PHACTR1: variants seen among roughly 807,000 people sequenced by gnomAD.
The protein encoded by PHACTR1 is RPEL repeat containing 1.
Under a neutral mutation model 69.2 loss-of-function variants are expected in PHACTR1, and 16 were observed. The observed-to-expected ratio is 0.23, with a 90% CI of 0.16 to 0.35. PHACTR1 has a LOEUF of 0.35. Among genes scored for constraint, PHACTR1 ranks in the 10% least tolerant of loss-of-function variants. The pLI is 1.00. For synonymous variants in PHACTR1, 312 were observed against 284.5 expected (o/e 1.10, Z -0.97); for missense variants, 510 against 734.7 (o/e 0.69, Z 3.54).
chr6:12,774,961 A>G (rs569221580), intron 4 of PHACTR1, among the ~76,000 whole-genome samples: 3 of 152,334 alleles, frequency 2.0e-5, no homozygotes, highest in African/African-American at 7.2e-5. Flanking sequence ...GAACTGAGGG[A>G]CCAGAAACAT....
chr6:12,721,981 A>G (rs1319296072), intron 3 of PHACTR1, among the ~76,000 whole-genome samples: 1 of 152,204 alleles, frequency 6.6e-6, no homozygotes, highest in Non-Finnish European at 1.5e-5. Flanking sequence ...TGAGAAACAC[A>G]TTTGAGACAA....
chr6:13,062,664 C>T (rs974253172), intron 5 of PHACTR1, among the ~76,000 whole-genome samples: 3 of 152,200 alleles, frequency 2.0e-5, no homozygotes, highest in African/African-American at 7.2e-5. Context: ...CCCCAGATTT[C>T]TCATTCCTCT....
At chr6:12,963,471 C>A (rs1389520718) in intron 4 of PHACTR1, among the ~76,000 whole-genome samples, 1 of 150,580 alleles carries the variant, frequency 6.6e-6, no homozygotes, top group East Asian at 1.9e-4. Flanking sequence ...AAAAAACAAA[C>A]CAACTGACGA....
chr6:13,103,016 C>T (rs903652355), intron 5 of PHACTR1, among the ~76,000 whole-genome samples: 3 of 152,168 alleles, frequency 2.0e-5, no homozygotes, highest in African/African-American at 7.2e-5. Context: ...CTTTCTGGAA[C>T]TTAAGAGGCT....
chr6:12,722,373 C>T (rs1197921674), intron 3 of PHACTR1, among the ~76,000 whole-genome samples: 1 of 152,168 alleles, frequency 6.6e-6, no homozygotes, highest in African/African-American at 2.4e-5. Context: ...TCATAAAGTT[C>T]CAGGAAGATA....
chr6:12,752,822 A>T (rs1410405275), intron 4 of PHACTR1, among the ~76,000 whole-genome samples: 1 of 152,238 alleles, frequency 6.6e-6, no homozygotes, highest in African/African-American at 2.4e-5. Flanking sequence ...AATAGCACCA[A>T]AATGTGGGTC....
chr6:13,036,186 T>C (rs902337026), intron 4 of PHACTR1, among the ~76,000 whole-genome samples: 1 of 151,952 alleles, frequency 6.6e-6, no homozygotes, highest in Non-Finnish European at 1.5e-5. Flanking sequence ...CTTAAAATTG[T>C]CTATAACTTT....
At chr6:13,005,059 C>T (rs900540949) in intron 4 of PHACTR1, among the ~76,000 whole-genome samples, 18 of 151,840 alleles carry the variant, frequency 1.2e-4, no homozygotes, top group Non-Finnish European at 2.4e-4. Flanking sequence ...AGCAGTTTCT[C>T]AGATACACCA....
intron 4 of PHACTR1, among the ~76,000 whole-genome samples, chr6:12,976,731 G>A (rs926180141): frequency 2.6e-5 from 4 of 152,226 alleles, no homozygotes; most frequent in Middle Eastern, 3.4e-3. Flanking sequence ...TTTATCTGGT[G>A]TCTCTCCTGA....
At position 12,844,495 on chromosome 6, in the gene PHACTR1, G is replaced by A. The variant is rs371898718; in HGVS notation, c.250+94705G>A. On this transcript the variant is annotated intron_variant, in intron 4 of 14. Coordinates refer to ENST00000332995, the MANE Select transcript of PHACTR1 (RefSeq NM_030948.6). ...GAGAAAATATAGGTTAAGGCACCCA[G>A]GTCGTGATGCCTTTTATGATGTACT... 7.2e-5 allele frequency among the ~76,000 whole-genome samples: 11 copies of A among 152,222 alleles called. No individual in the cohort carries two copies. The East Asian group carries it at 2.1e-3, about 29-fold the overall frequency.
chr6:13,217,158 A>G (rs1008039507), intron 8 of PHACTR1, among the ~76,000 whole-genome samples: 4 of 152,222 alleles, frequency 2.6e-5, no homozygotes, highest in Non-Finnish European at 4.4e-5. Flanking sequence ...TGGTGTTGAC[A>G]TGTACTCCTA....
intron 4 of PHACTR1, among the ~76,000 whole-genome samples, chr6:12,976,635 C>A (rs914136462): frequency 6.6e-6 from 1 of 152,112 alleles, no homozygotes; most frequent in African/African-American, 2.4e-5. Context: ...ATGAACAATT[C>A]GTAAGTTTTA....
At chr6:12,807,865 A>G (rs766566743) in intron 4 of PHACTR1, among the ~76,000 whole-genome samples, 2 of 152,218 alleles carry the variant, frequency 1.3e-5, no homozygotes, top group Non-Finnish European at 2.9e-5. Flanking sequence ...TCACATTTCA[A>G]TATTCTTTGC....
At chr6:13,066,489 G>A (rs1349598622) in intron 5 of PHACTR1, among the ~76,000 whole-genome samples, 1 of 152,200 alleles carries the variant, frequency 6.6e-6, no homozygotes, top group Non-Finnish European at 1.5e-5. Flanking sequence ...GTTGTGCACA[G>A]GTTAGGCTAA....
chr6:13,118,565 A>G (rs564616675), intron 5 of PHACTR1, among the ~76,000 whole-genome samples: 100 of 129,228 alleles, frequency 7.7e-4, no homozygotes, highest in African/African-American at 2.8e-3. Context: ...TGCAACCTCC[A>G]CCTCCCAGGT....
intron 4 of PHACTR1, among the ~76,000 whole-genome samples, chr6:12,784,266 A>T (rs1771210883): frequency 6.6e-6 from 1 of 152,006 alleles, no homozygotes; most frequent in Non-Finnish European, 1.5e-5. Flanking sequence ...ACACACTCAC[A>T]GATACATGAT....
In PHACTR1 at chr6:12,983,810, C is replaced by A. The variant is rs545588408; in HGVS notation, c.251-69555C>A. ...GAACATACAGTGTTTGGTTTTCTGT[C>A]CTTGCGATAGTTTGCTGAGAATGAT... On this transcript the variant is annotated intron_variant, in intron 4 of 14. Coordinates refer to ENST00000332995, the MANE Select transcript of PHACTR1 (RefSeq NM_030948.6). Among the ~76,000 whole-genome samples, 7 of 152,220 alleles carry A rather than the reference C, an allele frequency of 4.6e-5. No individual in the cohort carries two copies. In the East Asian group the frequency reaches 9.7e-4, roughly 21 times the overall value.
chr6:12,767,385 C>T (rs547097569), intron 4 of PHACTR1, among the ~76,000 whole-genome samples: 1 of 152,204 alleles, frequency 6.6e-6, no homozygotes, highest in African/African-American at 2.4e-5. Flanking sequence ...CAAAGGAAGC[C>T]TCTATAAATC....
At chr6:12,796,811 T>C (rs750782286) in intron 4 of PHACTR1, among the ~76,000 whole-genome samples, 7 of 152,188 alleles carry the variant, frequency 4.6e-5, no homozygotes, top group Non-Finnish European at 8.8e-5. Flanking sequence ...TCCCATTAAT[T>C]TCCGGAGGAA....
Sources: gnomAD v4.1 joint callset for allele counts (sites outside exome capture counted in the v4.1 genomes callset) on GRCh38, gnomAD v4.1.1 for gene constraint, MANE v1.5 for transcripts, NCBI Gene and HGNC (gene_info 2026-07-23, HGNC 2026-07-21) for gene names.